Variants in MEMO1 observed in about 807,000 individuals in gnomAD.
MEMO1 encodes the protein protein MEMO1.
A neutral mutation model predicts 45.2 loss-of-function variants in MEMO1; 6 were observed. The observed-to-expected ratio is 0.13, with a 90% CI of 0.07 to 0.26. The LOEUF (loss-of-function observed/expected upper bound fraction) is 0.26. Ranked by LOEUF, MEMO1 falls within the 10% of genes least tolerant of loss-of-function variation. The pLI is 1.00. For synonymous variants in MEMO1, 78 were observed against 124.3 expected (o/e 0.63, Z 2.48); for missense variants, 184 against 370.5 (o/e 0.50, Z 4.13).
intron 2 of MEMO1, among the ~76,000 whole-genome samples, chr2:31,996,200 CAG>C (rs1416336531): frequency 1.3e-5 from 2 of 148,616 alleles, no homozygotes; most frequent in East Asian, 2.0e-4. Context: ...GAGAGAGAGA[CAG>C]AGGGGGAGAG....
intron 2 of MEMO1, among the ~76,000 whole-genome samples, chr2:31,985,905 G>A (rs1250011302): frequency 6.6e-6 from 1 of 152,124 alleles, no homozygotes; most frequent in Non-Finnish European, 1.5e-5. Flanking sequence ...AAGATGGGAG[G>A]ACTGCTTGAG....
At chr2:31,924,405 G>A (rs961000645) in intron 4 of MEMO1, among the ~76,000 whole-genome samples, 3 of 150,278 alleles carry the variant, frequency 2.0e-5, no homozygotes, top group African/African-American at 7.4e-5. Flanking sequence ...CTTTAAAGGC[G>A]TAACTTTTCA....
chr2:31,994,873 T>C (rs887760540), intron 2 of MEMO1, among the ~76,000 whole-genome samples: 2 of 150,088 alleles, frequency 1.3e-5, no homozygotes, highest in Admixed American at 6.7e-5. Flanking sequence ...AATTGAGCCC[T>C]GGAGGTCGAG....
chr2:31,911,110 T>C (rs1038037125), intron 6 of MEMO1, among the ~76,000 whole-genome samples: 4 of 151,946 alleles, frequency 2.6e-5, no homozygotes, highest in South Asian at 4.1e-4. Context: ...TAATTAAATA[T>C]AGCAACAATC....
intron 2 of MEMO1, among the ~76,000 whole-genome samples, chr2:31,951,198 A>G (rs1026148939): frequency 6.6e-6 from 1 of 152,228 alleles, no homozygotes. Flanking sequence ...GTAGTCAGTC[A>G]TATCAGTAGG....
At chr2:31,999,158 C>A (rs190619566) in intron 2 of MEMO1, among the ~76,000 whole-genome samples, 1 of 152,320 alleles carries the variant, frequency 6.6e-6, no homozygotes, top group East Asian at 1.9e-4. Flanking sequence ...ACCATCTCCA[C>A]TGTTACTACT....
chr2:31,976,422 AC>A (rs1199497799), intron 2 of MEMO1, among the ~76,000 whole-genome samples: 3 of 151,834 alleles, frequency 2.0e-5, no homozygotes, highest in Non-Finnish European at 4.4e-5. Flanking sequence ...TACAAAAAAT[AC>A]AAAAATTAGC....
intron 2 of MEMO1, among the ~76,000 whole-genome samples, chr2:31,973,688 G>T (rs1200270435): frequency 6.6e-6 from 1 of 152,100 alleles, no homozygotes; most frequent in Non-Finnish European, 1.5e-5. Context: ...CCTTGAAAGT[G>T]CCATGCTAAG....
intron 2 of MEMO1, among the ~76,000 whole-genome samples, chr2:31,991,349 A>C (rs931054340): frequency 1.3e-5 from 2 of 152,222 alleles, no homozygotes; most frequent in African/African-American, 4.8e-5. Flanking sequence ...AGGTGGGAGG[A>C]TCATCTGAGG....
intron 2 of MEMO1, among the ~76,000 whole-genome samples, chr2:31,975,345 T>C (rs967362848): frequency 1.4e-4 from 21 of 152,206 alleles, no homozygotes; most frequent in African/African-American, 4.8e-4. Context: ...TAGACAAAAC[T>C]AGAGTTTGAA....
chr2:31,904,561 T>C (rs1223311555), intron 6 of MEMO1, among the ~76,000 whole-genome samples: 1 of 152,208 alleles, frequency 6.6e-6, no homozygotes, highest in Non-Finnish European at 1.5e-5. Context: ...ATCCCTCACA[T>C]GTGCAGTTCA....
At chr2:31,932,784 A>G (rs1664343375) in intron 3 of MEMO1, among the ~76,000 whole-genome samples, 1 of 152,150 alleles carries the variant, frequency 6.6e-6, no homozygotes, top group Non-Finnish European at 1.5e-5. Context: ...GCAGACTATT[A>G]CAGAAAAATG....
chr2:32,007,180 G>A (rs950428193), intron 2 of MEMO1, among the ~76,000 whole-genome samples: 4 of 152,058 alleles, frequency 2.6e-5, no homozygotes, highest in African/African-American at 9.7e-5. Context: ...CTATGCCCCT[G>A]TGTACCTTCC....
At chr2:31,998,228 GTCTTGA>G in intron 2 of MEMO1, among the ~76,000 whole-genome samples, 1 of 152,132 alleles carries the variant, frequency 6.6e-6, no homozygotes, top group South Asian at 2.1e-4. Flanking sequence ...TAAGTTGCTG[GTCTTGA>G]ACTCCTGAGC....
intron 2 of MEMO1, among the ~76,000 whole-genome samples, chr2:31,969,594 T>TGG (rs1328559149): frequency 1.9e-5 from 2 of 103,548 alleles, no homozygotes; most frequent in East Asian, 2.2e-4. Context: ...TGGGTGTGTG[T>TGG]GTGTGTGTGT....
rs995387303 is a variant in MEMO1 at position 31,986,923 on chromosome 2, G to A, written c.61+23264C>T. 3.9e-5 allele frequency among the ~76,000 whole-genome samples: 6 copies of A among 152,266 alleles called. No individual in the cohort carries two copies. In the East Asian group the frequency reaches 7.7e-4, roughly 20 times the overall value. ...AAAGAGCTGGGGAAAGCAATGTCTC[G>A]GAAGAGAGAACAGCAAATGCAAGGG... On this transcript the variant is annotated intron_variant, in intron 2 of 9. Transcript: ENST00000404530.
At chr2:31,940,264 C>T (rs1665448177) in intron 3 of MEMO1, among the ~76,000 whole-genome samples, 1 of 152,180 alleles carries the variant, frequency 6.6e-6, no homozygotes, top group South Asian at 2.1e-4. Flanking sequence ...ATTATATATA[C>T]TAATAAAGCC....
At chr2:31,881,033 TAAAAAA>T (rs201867050) in intron 8 of MEMO1, among the ~76,000 whole-genome samples, 1 of 144,532 alleles carries the variant, frequency 6.9e-6, no homozygotes, top group Non-Finnish European at 1.5e-5. Context: ...CACAAAAAAA[TAAAAAA>T]AGAAAGAAAA....
chr2:31,942,019 G>A (rs1359939918), intron 3 of MEMO1, among the ~76,000 whole-genome samples: 1 of 152,130 alleles, frequency 6.6e-6, no homozygotes, highest in East Asian at 1.9e-4. Context: ...CATGCTATGA[G>A]ACAAATGGCA....
Sources: allele counts gnomAD v4.1 joint callset (sites outside exome capture counted in the v4.1 genomes callset), GRCh38; gene constraint gnomAD v4.1.1; transcripts MANE v1.5; gene names NCBI Gene and HGNC (gene_info 2026-07-23, HGNC 2026-07-21).